Variants in EIF2AK4 observed in about 807,000 individuals in gnomAD.
EIF2AK4 encodes the protein eukaryotic translation initiation factor 2 alpha kinase 4.
In EIF2AK4, 139 loss-of-function variants were observed where a neutral mutation model predicts 211.1. The ratio of observed to expected loss-of-function variants is 0.66; its 90% CI spans 0.57 to 0.76. The LOEUF (loss-of-function observed/expected upper bound fraction) is 0.76. Among genes scored for constraint, EIF2AK4 ranks in the 30% least tolerant of loss-of-function variants. The pLI, the probability that EIF2AK4 is intolerant of heterozygous loss-of-function variation, is 0.00. For missense variants in EIF2AK4, 1,664 were observed against 2,043.8 expected, an observed-to-expected ratio of 0.81 and a Z score of 3.58; for synonymous variants, 710 against 751.3, an observed-to-expected ratio of 0.94 and a Z score of 0.90.
intron 16 of EIF2AK4, chr15:39,991,718 C>T (rs2034947225): frequency 6.3e-6 from 1 of 159,148 alleles, no homozygotes; most frequent in Non-Finnish European, 1.4e-5. Flanking sequence ...GGTGAGGCTA[C>T]CTGGGGGGCA....
chr15:39,937,753 A>G (rs1044203192), intron 1 of EIF2AK4, among the ~76,000 whole-genome samples: 11 of 152,120 alleles, frequency 7.2e-5, no homozygotes, highest in Non-Finnish European at 1.3e-4. Flanking sequence ...CCATCAAAGT[A>G]CGGGCCTAGG....
rs887115853 is a variant in EIF2AK4 at position 39,955,763 on chromosome 15, G to A, written c.738G>A (p.Arg246=). 5.0e-6 allele frequency: 8 copies of A among 1,595,512 alleles called. No individual in the cohort carries two copies. Among genetic ancestry groups the A allele is most frequent in the African/African-American group, 1.4e-5 (1 of 73,858 alleles). The part of the protein sequence containing the change: ...NGKHRANSSG[R]SRRERQYSVC... ...AACATCGGGCAAACTCCTCAGGAAGGTCTAGGTAAGTCCCTGGGATTTCTG... is the reference window on the plus strand; with the variant it reads ...AACATCGGGCAAACTCCTCAGGAAGATCTAGGTAAGTCCCTGGGATTTCTG... The change falls in exon 6 of 39, where the codon AGG becomes AGA. Residue 246 remains arginine (R), a synonymous_variant. Coordinates refer to ENST00000263791, the MANE Select transcript of EIF2AK4 (RefSeq NM_001013703.4).
chr15:39,939,175 T>C (rs986194579), intron 1 of EIF2AK4, among the ~76,000 whole-genome samples: 2 of 152,212 alleles, frequency 1.3e-5, no homozygotes, highest in African/African-American at 4.8e-5. Flanking sequence ...TATCAGCTGG[T>C]TGGGACTGTG....
chr15:40,025,228 A>G (rs2035450976), intron 32 of EIF2AK4, among the ~76,000 whole-genome samples: 1 of 152,248 alleles, frequency 6.6e-6, no homozygotes, highest in African/African-American at 2.4e-5. Context: ...GATCAGAAGC[A>G]GAAAATGGTT....
rs1278455380 is a variant in EIF2AK4 at position 39,993,068 on chromosome 15, CCATCCATT to C, written c.2766+228_2766+235del. On this transcript the variant is annotated intron_variant, in intron 18 of 38. Transcript: ENST00000263791. The stretch of plus-strand genomic sequence containing the variant: ...TCCATCCATCCATCCATCCATCCAT[CCATCCATT>C]CATCCATCCATCCATCCATCCATCC... Among the ~76,000 whole-genome samples, 24 of 91,448 alleles carry C rather than the reference CCATCCATT, an allele frequency of 2.6e-4. 1 individual carries two copies. The highest frequency in any genetic ancestry group is 4.9e-4 in the Admixed American group (5 of 10,106). The allele number at this position is 91,448 out of a possible 152,430, so 60.0% of individuals were successfully genotyped here.
At chr15:39,940,451 A>T (rs1005961315) in intron 2 of EIF2AK4, among the ~76,000 whole-genome samples, 1 of 152,158 alleles carries the variant, frequency 6.6e-6, no homozygotes, top group Non-Finnish European at 1.5e-5. Context: ...TGGTAAATTT[A>T]TGGAATTTAT....
intron 12 of EIF2AK4, chr15:39,977,171 A>G: frequency 4.2e-6 from 1 of 240,918 alleles, no homozygotes; most frequent in Non-Finnish European, 7.9e-6. Context: ...CACCACTTTT[A>G]GAGAGTAACC....
intron 19 of EIF2AK4, among the ~76,000 whole-genome samples, chr15:39,997,963 A>G (rs1355594176): frequency 6.6e-6 from 1 of 152,244 alleles, no homozygotes; most frequent in Non-Finnish European, 1.5e-5. Context: ...CACGATAACT[A>G]GAATGCAGTA....
At chr15:39,983,023 T>C (rs2034815066) in intron 13 of EIF2AK4, among the ~76,000 whole-genome samples, 2 of 152,248 alleles carry the variant, frequency 1.3e-5, no homozygotes, top group African/African-American at 4.8e-5. Context: ...CATGTGTCTT[T>C]ATAGCAGAAT....
chr15:39,996,652 A>C (rs997882679), intron 18 of EIF2AK4, among the ~76,000 whole-genome samples: 1 of 152,202 alleles, frequency 6.6e-6, no homozygotes, highest in African/African-American at 2.4e-5. Flanking sequence ...CAGAGGTTGC[A>C]GTGAGCCGAG....
chr15:39,962,208 G>C (rs1485974611), intron 7 of EIF2AK4, among the ~76,000 whole-genome samples: 2 of 152,216 alleles, frequency 1.3e-5, no homozygotes, highest in Non-Finnish European at 2.9e-5. Context: ...GCAGTGAGCT[G>C]TGATCATGCC....
At chr15:39,937,039 A>G (rs72729455) in intron 1 of EIF2AK4, among the ~76,000 whole-genome samples, 1,585 of 152,308 alleles carry the variant, frequency 0.01, 10 homozygotes, top group South Asian at 0.029. Flanking sequence ...TTTGAGGTGC[A>G]TGCTAAAAAC....
At chr15:39,996,791 C>A (rs1880278471) in intron 18 of EIF2AK4, among the ~76,000 whole-genome samples, 173 bp from the exon 19 acceptor site, 1 of 152,150 alleles carries the variant, frequency 6.6e-6, no homozygotes, top group African/African-American at 2.4e-5. Context: ...CAAAATATAT[C>A]ATTTAGCCTT....
intron 14 of EIF2AK4, 22 bp from the exon 15 acceptor site, chr15:39,987,961 C>A: frequency 6.2e-7 from 1 of 1,611,310 alleles, no homozygotes; most frequent in Admixed American, 1.7e-5. Flanking sequence ...TAATCAAATT[C>A]TCCTGGTTTG....
At chr15:40,024,410 T>A (rs1312452444) in intron 32 of EIF2AK4, among the ~76,000 whole-genome samples, 1 of 133,630 alleles carries the variant, frequency 7.5e-6, no homozygotes, top group Non-Finnish European at 1.5e-5. Flanking sequence ...TTCCTTTTTT[T>A]TTTTTTTTTT....
At chr15:39,965,905 A>C in intron 8 of EIF2AK4, 62 bp downstream of exon 8, 1 of 1,589,150 alleles carries the variant, frequency 6.3e-7, no homozygotes, top group African/African-American at 1.4e-5. Context: ...GAGATGACAG[A>C]ACAAAATAGC....
intron 12 of EIF2AK4, 197 bp downstream of exon 12, chr15:39,977,041 G>A: frequency 3.6e-6 from 2 of 558,396 alleles, no homozygotes; most frequent in East Asian, 3.5e-5. Context: ...CCGCCTCCCG[G>A]GCCAGCGAAT....
At chr15:39,959,346 A>C (rs1464701889) in intron 6 of EIF2AK4, among the ~76,000 whole-genome samples, 1 of 152,220 alleles carries the variant, frequency 6.6e-6, no homozygotes, top group Non-Finnish European at 1.5e-5. Context: ...TTTTTGGCGA[A>C]AACAATAGAT....
At chr15:40,019,338 A>G in intron 30 of EIF2AK4, 138 bp downstream of exon 30, 1 of 606,130 alleles carries the variant, frequency 1.6e-6, no homozygotes, top group Non-Finnish European at 2.8e-6. Context: ...TACCTTTAAT[A>G]TGATAGACAA....
Sources: gnomAD v4.1 joint callset for allele counts (sites outside exome capture counted in the v4.1 genomes callset) on GRCh38, gnomAD v4.1.1 for gene constraint, MANE v1.5 for transcripts, NCBI Gene and HGNC (gene_info 2026-07-23, HGNC 2026-07-21) for gene names.